The following FILIP1L variants were observed in gnomAD, a reference collection of about 807,000 sequenced individuals.
The protein encoded by FILIP1L is filamin A-interacting protein 1-like.
In FILIP1L, 55 loss-of-function variants were observed where a neutral mutation model predicts 96.6. That is an observed-to-expected ratio of 0.57 (90% CI 0.46 to 0.71). The LOEUF (loss-of-function observed/expected upper bound fraction) is 0.71. FILIP1L is among the 30% of genes least tolerant of loss of function. The pLI, the probability that FILIP1L is intolerant of heterozygous loss-of-function variation, is 0.00. For missense variants in FILIP1L, 1,304 were observed against 1,321.2 expected (o/e 0.99, Z 0.20); for synonymous variants, 467 against 473.9 (o/e 0.99, Z 0.19).
At chr3:99,987,264 C>A (rs1442488866) in intron 1 of FILIP1L, among the ~76,000 whole-genome samples, 2 of 150,768 alleles carry the variant, frequency 1.3e-5, no homozygotes, top group Non-Finnish European at 3.0e-5. Context: ...CACAGTGGCT[C>A]ACTCCTGTAA....
intron 1 of FILIP1L, among the ~76,000 whole-genome samples, chr3:99,945,825 C>A (rs1248030617): frequency 2.0e-5 from 3 of 152,190 alleles, no homozygotes; most frequent in East Asian, 1.9e-4. Flanking sequence ...AAAAGAGAAA[C>A]CCTGTCAGGG....
intron 1 of FILIP1L, among the ~76,000 whole-genome samples, chr3:100,010,861 T>G (rs1418764466): frequency 7.0e-6 from 1 of 143,700 alleles, no homozygotes; most frequent in African/African-American, 2.6e-5. Context: ...ACTCCTGACC[T>G]CATGATCCGC....
intron 1 of FILIP1L, among the ~76,000 whole-genome samples, chr3:100,066,808 G>A (rs2065673327): frequency 1.1e-5 from 1 of 94,788 alleles, no homozygotes; most frequent in Non-Finnish European, 2.5e-5. Flanking sequence ...TGGGATTACA[G>A]GCGTGGCTTT....
chr3:99,862,091 C>CA (rs554691597), intron 4 of FILIP1L, among the ~76,000 whole-genome samples: 3 of 151,890 alleles, frequency 2.0e-5, no homozygotes, highest in Non-Finnish European at 4.4e-5. Context: ...GTTCTCACCA[C>CA]AAAAAAATGA....
chr3:99,896,016 A>G (rs990464270), intron 4 of FILIP1L, among the ~76,000 whole-genome samples: 1 of 152,208 alleles, frequency 6.6e-6, no homozygotes, highest in Non-Finnish European at 1.5e-5. Context: ...TCTGCAGGGA[A>G]CTGCCACGGT....
chr3:99,840,632 C>T (rs912608020), intron 5 of FILIP1L, among the ~76,000 whole-genome samples: 5 of 152,122 alleles, frequency 3.3e-5, no homozygotes, highest in African/African-American at 1.2e-4. Flanking sequence ...AGGTTGTTGG[C>T]TTATTTATGC....
chr3:99,871,455 C>T (rs903222977), intron 4 of FILIP1L, among the ~76,000 whole-genome samples: 2 of 151,900 alleles, frequency 1.3e-5, no homozygotes, highest in African/African-American at 4.8e-5. Flanking sequence ...TAAAACTGAC[C>T]CTGAAGGAGT....
chr3:99,839,770 C>T (rs549255370), intron 5 of FILIP1L, among the ~76,000 whole-genome samples: 33 of 152,268 alleles, frequency 2.2e-4, no homozygotes, highest in African/African-American at 6.7e-4. Flanking sequence ...TAAGTGGAAA[C>T]AATTATGCAA....
At chr3:99,894,970 C>T (rs566927835) in intron 4 of FILIP1L, among the ~76,000 whole-genome samples, 23 of 152,254 alleles carry the variant, frequency 1.5e-4, no homozygotes, top group African/African-American at 4.8e-4. Flanking sequence ...AAATGTGTTC[C>T]AGGTTCCCAC....
intron 1 of FILIP1L, among the ~76,000 whole-genome samples, chr3:100,026,148 A>G (rs1013370065): frequency 3.9e-5 from 6 of 152,136 alleles, no homozygotes; most frequent in African/African-American, 1.4e-4. Flanking sequence ...GATGCTGTCA[A>G]ATTGCCATAG....
chr3:99,938,863 C>T (rs73858967), intron 1 of FILIP1L, among the ~76,000 whole-genome samples: 1 of 152,020 alleles, frequency 6.6e-6, no homozygotes, highest in Non-Finnish European at 1.5e-5. Flanking sequence ...TATTGCCCTA[C>T]TCACCCACAT....
intron 4 of FILIP1L, among the ~76,000 whole-genome samples, chr3:99,902,959 T>C (rs974720883): frequency 1.3e-5 from 2 of 152,224 alleles, no homozygotes; most frequent in Non-Finnish European, 2.9e-5. Flanking sequence ...CAAATACTCC[T>C]GTTCACCTAA....
chr3:99,845,343 G>A (rs1287366477), intron 5 of FILIP1L, among the ~76,000 whole-genome samples: 2 of 152,164 alleles, frequency 1.3e-5, no homozygotes, highest in African/African-American at 4.8e-5. Context: ...GAGTTAAAGA[G>A]ATAGTGGGAA....
At chr3:100,046,115 A>G (rs1480495304) in intron 1 of FILIP1L, among the ~76,000 whole-genome samples, 2 of 152,218 alleles carry the variant, frequency 1.3e-5, no homozygotes, top group Admixed American at 6.5e-5. Context: ...TTTTCCCCCA[A>G]GGCTTCACAG....
chr3:100,074,200 C>A (rs1283973336), intron 1 of FILIP1L, among the ~76,000 whole-genome samples: 1 of 152,114 alleles, frequency 6.6e-6, no homozygotes, highest in African/African-American at 2.4e-5. Context: ...CAGTGGAGTC[C>A]GAGAGCTCTA....
At chr3:100,098,784 T>C (rs2066256160) in intron 1 of FILIP1L, among the ~76,000 whole-genome samples, 1 of 152,224 alleles carries the variant, frequency 6.6e-6, no homozygotes, top group Admixed American at 6.5e-5. Flanking sequence ...GATCTGTTTT[T>C]AAAAATGCCT....
At chr3:99,985,184 G>C (rs1709299840) in intron 1 of FILIP1L, among the ~76,000 whole-genome samples, 1 of 152,052 alleles carries the variant, frequency 6.6e-6, no homozygotes, top group South Asian at 2.1e-4. Context: ...GGGGTCAAAG[G>C]TTGTTTTAAA....
In FILIP1L at chr3:99,850,788, T is replaced by C. The variant is rs1394674471; in HGVS notation, c.888A>G (p.Gln296=). 1 of 1,614,104 alleles carries C rather than the reference T, an allele frequency of 6.2e-7. No individual in the cohort carries two copies. Among genetic ancestry groups the C allele is most frequent in the Non-Finnish European group, 8.5e-7 (1 of 1,180,042 alleles). Residue 296 remains glutamine (Q), a synonymous_variant, in exon 5 of 6, where the codon CAA becomes CAG. Coordinates refer to ENST00000477258, the MANE Select transcript of FILIP1L (RefSeq NM_001387850.1). ...QKATRLEKEL[Q]TQTTKFHQDQ... The stretch of plus-strand genomic sequence containing the variant: ...CTTGGTGAAACTTTGTGGTCTGCGT[T>C]TGCAGTTCCTTCTCTAGTCTGGTTG...
intron 1 of FILIP1L, among the ~76,000 whole-genome samples, chr3:100,085,040 A>G (rs769362075): frequency 6.6e-6 from 1 of 152,218 alleles, no homozygotes; most frequent in Non-Finnish European, 1.5e-5. Flanking sequence ...ATATGTATGT[A>G]TGGTACAGAT....
Sources: gnomAD v4.1 joint callset for allele counts (sites outside exome capture counted in the v4.1 genomes callset) on GRCh38, gnomAD v4.1.1 for gene constraint, MANE v1.5 for transcripts, NCBI Gene and HGNC (gene_info 2026-07-23, HGNC 2026-07-21) for gene names.